Variants in MMP16 observed in about 807,000 individuals in gnomAD.
MMP16 encodes the protein matrix metallopeptidase 16.
In MMP16, 12 loss-of-function variants were observed where a neutral mutation model predicts 67.8. That is an observed-to-expected ratio of 0.18 (90% CI 0.11 to 0.29). The LOEUF (loss-of-function observed/expected upper bound fraction) is 0.29. Ranked by LOEUF, MMP16 falls within the 10% of genes least tolerant of loss-of-function variation. The probability of loss-of-function intolerance (pLI) is 1.00; values close to 1 mark genes in which losing one functional copy is unlikely to be tolerated. For missense variants in MMP16, 475 were observed against 765.7 expected (o/e 0.62, Z 4.48); for synonymous variants, 249 against 255.9 (o/e 0.97, Z 0.26).
At chr8:88,252,332 C>G (rs1317492292) in intron 1 of MMP16, among the ~76,000 whole-genome samples, 3 of 152,060 alleles carry the variant, frequency 2.0e-5, no homozygotes, top group Non-Finnish European at 4.4e-5. Flanking sequence ...TATGCTGGTT[C>G]TAGCTCATCA....
intron 8 of MMP16, 134 bp downstream of exon 8, chr8:88,055,994 A>C (rs1286878153): frequency 5.3e-6 from 3 of 561,510 alleles, no homozygotes; most frequent in Non-Finnish European, 8.4e-6. Context: ...ATGTAAAACA[A>C]TTTTTAATTG....
At chr8:88,296,313 T>C (rs1005857745) in intron 1 of MMP16, among the ~76,000 whole-genome samples, 4 of 152,230 alleles carry the variant, frequency 2.6e-5, no homozygotes, top group African/African-American at 9.6e-5. Context: ...CAAATAATAA[T>C]TGTGTATATT....
intron 1 of MMP16, among the ~76,000 whole-genome samples, chr8:88,208,838 G>A (rs1377008325): frequency 1.8e-4 from 25 of 137,840 alleles, no homozygotes; most frequent in East Asian, 4.2e-4. Context: ...AAAAAAGGAA[G>A]AAAAGAAAAA....
At chr8:88,149,058 G>A (rs1258678981) in intron 4 of MMP16, among the ~76,000 whole-genome samples, 1 of 152,368 alleles carries the variant, frequency 6.6e-6, no homozygotes, top group African/African-American at 2.4e-5. Flanking sequence ...GGAAGCGCAA[G>A]GGGTCAGGGA....
At chr8:88,144,102 C>T (rs777773286) in intron 4 of MMP16, among the ~76,000 whole-genome samples, 3 of 151,916 alleles carry the variant, frequency 2.0e-5, no homozygotes, top group Non-Finnish European at 2.9e-5. Context: ...AAAACTTTCA[C>T]TTTAAACAGG....
intron 4 of MMP16, among the ~76,000 whole-genome samples, chr8:88,160,663 GA>G (rs1808603860): frequency 6.6e-6 from 1 of 152,014 alleles, no homozygotes; most frequent in South Asian, 2.1e-4. Context: ...GGAGAAATAG[GA>G]ACACTTTTAC....
intron 6 of MMP16, among the ~76,000 whole-genome samples, chr8:88,089,184 T>C (rs1018607167): frequency 2.6e-5 from 4 of 152,004 alleles, no homozygotes; most frequent in Non-Finnish European, 5.9e-5. Flanking sequence ...GATCCATACA[T>C]TAAGAATAAC....
chr8:88,095,833 A>T (rs998069634), intron 6 of MMP16, among the ~76,000 whole-genome samples: 4 of 151,956 alleles, frequency 2.6e-5, no homozygotes, highest in African/African-American at 9.7e-5. Context: ...TTCATTTAAT[A>T]AATAACTATT....
chr8:88,223,601 C>A (rs1809720827), intron 1 of MMP16, among the ~76,000 whole-genome samples: 1 of 148,326 alleles, frequency 6.7e-6, no homozygotes, highest in South Asian at 2.1e-4. Flanking sequence ...GACAGAAAAC[C>A]AAACACTGCA....
rs146975027 is a variant in MMP16 at position 88,303,469 on chromosome 8, G to A, written c.132+23606C>T. On this transcript the variant is annotated intron_variant, in intron 1 of 9. Coordinates refer to ENST00000286614, the MANE Select transcript of MMP16 (RefSeq NM_005941.5). ...GCTGTGCCACCAAAGCAGCCAGACT[G>A]CTTCTTTAAGTGGGTCCCTGATCCT... Among the ~76,000 whole-genome samples, 945 of 152,324 alleles carry A rather than the reference G, an allele frequency of 6.2e-3. 5 individuals are homozygous for A. The highest frequency in any genetic ancestry group is 0.022 in the African/African-American group (897 of 41,578).
At chr8:88,157,547 C>A (rs1808531328) in intron 4 of MMP16, among the ~76,000 whole-genome samples, 2 of 151,696 alleles carry the variant, frequency 1.3e-5, no homozygotes, top group South Asian at 2.1e-4. Flanking sequence ...TGATGCTAAG[C>A]CTTCATTATT....
chr8:88,268,859 C>T (rs181653483), intron 1 of MMP16, among the ~76,000 whole-genome samples: 50 of 152,230 alleles, frequency 3.3e-4, no homozygotes, highest in South Asian at 6.2e-4. Flanking sequence ...CACTCTTCTT[C>T]CATTCTCTCC....
chr8:88,327,379 C>G lies in MMP16; in HGVS notation c.-173G>C. ...ACAGGGGCCCCGCGCTCGGCAGCCCCCGAGAGGCAGCGGCGAAGACAGGGT... is the reference window on the plus strand; with the variant it reads ...ACAGGGGCCCCGCGCTCGGCAGCCCGCGAGAGGCAGCGGCGAAGACAGGGT... On this transcript the variant is annotated 5_prime_UTR_variant, in exon 1 of 10. Coordinates refer to ENST00000286614, the MANE Select transcript of MMP16 (RefSeq NM_005941.5). 1 of 690,424 alleles carries G rather than the reference C, an allele frequency of 1.4e-6. No homozygotes were observed. The highest frequency in any genetic ancestry group is 2.4e-6 in the Non-Finnish European group (1 of 419,702). The allele number at this position is 690,424 out of a possible 1,614,324, so 42.8% of individuals were successfully genotyped here.
chr8:88,203,952 T>C (rs1166293834), intron 1 of MMP16, among the ~76,000 whole-genome samples: 1 of 152,174 alleles, frequency 6.6e-6, no homozygotes, highest in East Asian at 1.9e-4. Flanking sequence ...GTTTTTCCAA[T>C]GCAAGAGAAA....
intron 1 of MMP16, among the ~76,000 whole-genome samples, chr8:88,200,849 G>A (rs1447206301): frequency 6.6e-6 from 1 of 151,726 alleles, no homozygotes; most frequent in African/African-American, 2.4e-5. Context: ...AAAAAATGGA[G>A]ACAGTAGAAT....
intron 3 of MMP16, among the ~76,000 whole-genome samples, chr8:88,179,347 A>G (rs961225455): frequency 6.6e-6 from 1 of 152,028 alleles, no homozygotes; most frequent in African/African-American, 2.4e-5. Context: ...AGAAATCTGT[A>G]TCCAGTGAAA....
chr8:88,177,171 C>T (rs1311693121), intron 3 of MMP16, among the ~76,000 whole-genome samples: 1 of 152,098 alleles, frequency 6.6e-6, no homozygotes, highest in Non-Finnish European at 1.5e-5. Context: ...AAAGGTTATA[C>T]ACTTGAACTG....
intron 1 of MMP16, among the ~76,000 whole-genome samples, chr8:88,252,521 A>G (rs577428282): frequency 6.6e-6 from 1 of 152,162 alleles, no homozygotes; most frequent in South Asian, 2.1e-4. Context: ...AATCTCTTAC[A>G]TGTCAAACAT....
chr8:88,159,306 A>T (rs6469276), intron 4 of MMP16, among the ~76,000 whole-genome samples: 95,706 of 151,964 alleles, frequency 0.63, 31,251 homozygotes, highest in African/African-American at 0.81. Context: ...GGGCATGGAA[A>T]GTTCTTCCAT....
Sources: gnomAD v4.1 joint callset for allele counts (sites outside exome capture counted in the v4.1 genomes callset) on GRCh38, gnomAD v4.1.1 for gene constraint, MANE v1.5 for transcripts, NCBI Gene and HGNC (gene_info 2026-07-23, HGNC 2026-07-21) for gene names.